Variants in BRINP1 observed in about 807,000 individuals in gnomAD.
The protein encoded by BRINP1 is BMP/retinoic acid inducible neural specific 1.
A neutral mutation model predicts 72.9 loss-of-function variants in BRINP1; 17 were observed. The observed-to-expected ratio is 0.23, with a 90% CI of 0.16 to 0.35. The LOEUF (loss-of-function observed/expected upper bound fraction) is 0.35. Among genes scored for constraint, BRINP1 ranks in the 10% least tolerant of loss-of-function variants. BRINP1 has a pLI of 1.00. For missense variants in BRINP1, 850 were observed against 1,001.6 expected (o/e 0.85, Z 2.04); for synonymous variants, 418 against 378.5 (o/e 1.10, Z -1.21).
At chr9:119,336,444 T>C (rs1363312046) in intron 1 of BRINP1, among the ~76,000 whole-genome samples, 2 of 152,072 alleles carry the variant, frequency 1.3e-5, no homozygotes, top group Non-Finnish European at 2.9e-5. Flanking sequence ...TTCTCATTAC[T>C]CCGAGAGCAA....
intron 2 of BRINP1, among the ~76,000 whole-genome samples, chr9:119,285,326 G>C (rs1224065114): frequency 1.3e-5 from 2 of 152,208 alleles, no homozygotes; most frequent in African/African-American, 4.8e-5. Flanking sequence ...ATTCGAACGG[G>C]ATGGCAGAGG....
intron 2 of BRINP1, among the ~76,000 whole-genome samples, chr9:119,272,161 C>G (rs892918978): frequency 6.6e-6 from 1 of 151,140 alleles, no homozygotes; most frequent in Non-Finnish European, 1.5e-5. Context: ...TCAATGCAAC[C>G]TCCGCCTCCC....
chr9:119,368,268 T>C lies in BRINP1; in HGVS notation c.-51+788A>G, dbSNP rs1831716784. Among the ~76,000 whole-genome samples, 1 of 152,054 alleles carries C rather than the reference T, an allele frequency of 6.6e-6. No individual in the cohort carries two copies. The highest frequency in any genetic ancestry group is 6.5e-5 in the Admixed American group (1 of 15,276). On this transcript the variant is annotated intron_variant, in intron 1 of 7. Coordinates refer to ENST00000265922, the MANE Select transcript of BRINP1 (RefSeq NM_014618.3). This position sits in a 1 kb window ranked among gnomAD's most constrained non-coding sequence, Gnocchi z 4.7. ...CACCGCTGACTTCCCCCTTTCTCTG[T>C]CACCCACTATCCAGTGTCTCCAAAT...
At position 119,167,190 on chromosome 9, in the gene BRINP1, C is replaced by T. The variant is rs752226896; in HGVS notation, c.2180G>A (p.Arg727His). 6 of 1,613,890 alleles carry T rather than the reference C, an allele frequency of 3.7e-6. No homozygotes were observed. The highest frequency in any genetic ancestry group is 2.2e-5 in the East Asian group (1 of 44,854). ...GATCTCGCTGTTGGTCAGTTTCAGG[C>T]GGTGTTTCAGCATACAGGAGAACAA... ...LDLFSCMLKHRLKLTNSEIIR... is the reference protein window; with the variant it reads ...LDLFSCMLKHHLKLTNSEIIR... Residue 727 changes from arginine (R) to histidine (H), a missense_variant, in exon 8 of 8, where the codon CGC becomes CAC. Coordinates refer to ENST00000265922, the MANE Select transcript of BRINP1 (RefSeq NM_014618.3). The surrounding 1 kb of genome is among the most constrained non-coding windows in gnomAD (Gnocchi z 4.3).
intron 2 of BRINP1, among the ~76,000 whole-genome samples, chr9:119,250,835 A>G (rs1468194603): frequency 6.6e-6 from 1 of 152,132 alleles, no homozygotes; most frequent in East Asian, 1.9e-4. Context: ...AGACTAGACA[A>G]GAGGGCTGTA....
intron 7 of BRINP1, among the ~76,000 whole-genome samples, chr9:119,177,695 T>C (rs1212273071): frequency 2.0e-5 from 3 of 152,150 alleles, no homozygotes; most frequent in African/African-American, 7.2e-5. Flanking sequence ...ACTCTCAGAA[T>C]CCTCGGTGAG....
At chr9:119,314,131 T>C (rs1831100851) in intron 1 of BRINP1, among the ~76,000 whole-genome samples, 1 of 152,202 alleles carries the variant, frequency 6.6e-6, no homozygotes, top group South Asian at 2.1e-4. Flanking sequence ...AGAATTTGTC[T>C]TTTGGTGACT....
At chr9:119,327,075 C>T (rs763357947) in intron 1 of BRINP1, among the ~76,000 whole-genome samples, 1 of 152,128 alleles carries the variant, frequency 6.6e-6, no homozygotes, top group Non-Finnish European at 1.5e-5. Context: ...TGAAGCAAAA[C>T]CTCAGTGGGA....
At chr9:119,256,249 A>C (rs1336911493) in intron 2 of BRINP1, among the ~76,000 whole-genome samples, 1 of 152,194 alleles carries the variant, frequency 6.6e-6, no homozygotes, top group Non-Finnish European at 1.5e-5. Flanking sequence ...TATTAAAGTT[A>C]TTATCAATAT....
At chr9:119,337,416 G>A (rs1165828275) in intron 1 of BRINP1, among the ~76,000 whole-genome samples, 1 of 152,198 alleles carries the variant, frequency 6.6e-6, no homozygotes, top group East Asian at 1.9e-4. Flanking sequence ...GATAAGCCAG[G>A]AGGAAATACA....
intron 7 of BRINP1, among the ~76,000 whole-genome samples, chr9:119,170,057 T>A (rs1829384121): frequency 6.6e-6 from 1 of 152,034 alleles, no homozygotes; most frequent in African/African-American, 2.4e-5. Flanking sequence ...AACCGGAAAC[T>A]CTAAAAAGCA....
rs966327207 is a variant in BRINP1 at position 119,326,746 on chromosome 9, T to TC, written c.-50-13342dup. Among the ~76,000 whole-genome samples the TC allele has an allele frequency of 6.4e-4, 97 of 152,296 alleles. 1 individual carries two copies. The Middle Eastern group carries it at 0.02, about 32-fold the overall frequency. On this transcript the variant is annotated intron_variant, in intron 1 of 7. Coordinates refer to ENST00000265922, the MANE Select transcript of BRINP1 (RefSeq NM_014618.3). ...CTTGATCCTCTATTTTAATTGGCTC[T>TC]CACAGTCCAGAATGCGAGATGGACA... is the stretch of plus-strand genomic sequence containing the variant.
chr9:119,359,326 G>T (rs1831605437), intron 1 of BRINP1, among the ~76,000 whole-genome samples: 1 of 152,092 alleles, frequency 6.6e-6, no homozygotes, highest in Non-Finnish European at 1.5e-5. Context: ...CCCCGAAGTA[G>T]CCAGGACTAC....
chr9:119,273,929 GAGCTTCTCA>G (rs1031423363), intron 2 of BRINP1, among the ~76,000 whole-genome samples: 38 of 152,278 alleles, frequency 2.5e-4, no homozygotes, highest in African/African-American at 8.2e-4. Context: ...ACTAGATGTT[GAGCTTCTCA>G]AGGACAGGTC....
chr9:119,222,216 G>A (rs1019517737), intron 5 of BRINP1, among the ~76,000 whole-genome samples: 3 of 152,098 alleles, frequency 2.0e-5, no homozygotes, highest in African/African-American at 7.2e-5. Context: ...TGTAGCATAA[G>A]GAAGAAATAA....
intron 2 of BRINP1, among the ~76,000 whole-genome samples, chr9:119,301,155 G>T (rs2118983380): frequency 6.6e-6 from 1 of 152,248 alleles, no homozygotes; most frequent in East Asian, 1.9e-4. Context: ...TTCAAAGCTG[G>T]CTTATCATCT....
intron 1 of BRINP1, among the ~76,000 whole-genome samples, chr9:119,355,062 A>T (rs1447203485): frequency 6.6e-6 from 1 of 152,188 alleles, no homozygotes; most frequent in African/African-American, 2.4e-5. Flanking sequence ...TTCCTACGAC[A>T]AATTGCTCAC....
At chr9:119,298,754 A>C (rs1190759644) in intron 2 of BRINP1, among the ~76,000 whole-genome samples, 2 of 152,152 alleles carry the variant, frequency 1.3e-5, no homozygotes, top group African/African-American at 4.8e-5. Flanking sequence ...GTATTAAAAC[A>C]TTCCAGTCTC....
chr9:119,281,414 G>A (rs1252783259), intron 2 of BRINP1, among the ~76,000 whole-genome samples: 1 of 137,640 alleles, frequency 7.3e-6, no homozygotes, highest in Non-Finnish European at 1.6e-5. Flanking sequence ...CTTAGGCAGT[G>A]TGTATGAGAA....
Sources: allele counts gnomAD v4.1 joint callset (sites outside exome capture counted in the v4.1 genomes callset), GRCh38; gene constraint gnomAD v4.1.1; non-coding constraint Gnocchi (gnomAD v3.1); transcripts MANE v1.5; gene names NCBI Gene and HGNC (gene_info 2026-07-23, HGNC 2026-07-21).